The following DOCK10 variants were observed in gnomAD, a reference collection of about 807,000 sequenced individuals.
DOCK10 encodes the protein dedicator of cytokinesis protein 10.
In DOCK10, 145 loss-of-function variants were observed where a neutral mutation model predicts 280.1. The observed-to-expected ratio is 0.52, with a 90% CI of 0.45 to 0.59. DOCK10 has a LOEUF of 0.59. Ranked by LOEUF, DOCK10 falls within the 20% of genes least tolerant of loss-of-function variation. DOCK10 has a pLI of 0.00. For synonymous variants in DOCK10, 915 were observed against 942.2 expected (o/e 0.97, Z 0.53); for missense variants, 2,368 against 2,651.7 (o/e 0.89, Z 2.35).
chr2:224,897,528 C>G (rs1322720776), intron 3 of DOCK10, among the ~76,000 whole-genome samples: 2 of 151,968 alleles, frequency 1.3e-5, no homozygotes, highest in Admixed American at 6.6e-5. Context: ...TTTTTGGTAC[C>G]CATTAGCCAT....
intron 1 of DOCK10, among the ~76,000 whole-genome samples, chr2:224,977,845 C>T (rs1705527022): frequency 6.6e-6 from 1 of 152,196 alleles, no homozygotes; most frequent in Non-Finnish European, 1.5e-5. Context: ...AATCTTATCT[C>T]TGCACAAAGA....
intron 1 of DOCK10, among the ~76,000 whole-genome samples, chr2:224,960,730 C>CTTTTTTTTTTTTTTTT (rs71281764): frequency 2.8e-5 from 2 of 70,254 alleles, no homozygotes; most frequent in African/African-American, 1.1e-4. Flanking sequence ...TCACCAAATT[C>CTTTTTTTTTTTTTTTT]TTTTTTTTTT....
At chr2:224,881,781 AGGCTTAC>A (rs1374330238) in intron 7 of DOCK10, among the ~76,000 whole-genome samples, 1 of 152,168 alleles carries the variant, frequency 6.6e-6, no homozygotes, top group Non-Finnish European at 1.5e-5. Context: ...TGCTAATGCG[AGGCTTAC>A]GGGTCATATT....
At chr2:224,945,906 C>A (rs1453157378) in intron 1 of DOCK10, among the ~76,000 whole-genome samples, 1 of 152,092 alleles carries the variant, frequency 6.6e-6, no homozygotes, top group Non-Finnish European at 1.5e-5. Flanking sequence ...TGCTAACCAT[C>A]CTACACGGTA....
intron 14 of DOCK10, among the ~76,000 whole-genome samples, chr2:224,858,966 C>T (rs1186119148): frequency 6.6e-6 from 1 of 152,150 alleles, no homozygotes; most frequent in African/African-American, 2.4e-5. Context: ...ATGAAGCAGA[C>T]ATATTTTTTG....
In DOCK10 at chr2:224,805,065, T is replaced by C. The variant is rs564532531; in HGVS notation, c.4111A>G (p.Ile1371Val). 3.1e-6 allele frequency: 5 copies of C among 1,608,244 alleles called. No individual in the cohort carries two copies. The African/African-American group carries it at 4.0e-5, about 13-fold the overall frequency. ...PSPEVSDFFS[I>V]LDVCLQNFRY... ...ATCAACTCTAAAACTTACTCCAAGA[T>C]GCTGAAGAAGTCGGACACCTCTGGG... Residue 1371 changes from isoleucine (I) to valine (V), a missense_variant, in exon 37 of 56, where the codon ATC becomes GTC. Physicochemically the swap from Ile to Val is conservative, Grantham distance 29. Transcript: ENST00000258390. This position sits in a 1 kb window ranked among gnomAD's most constrained non-coding sequence, Gnocchi z 4.3.
At chr2:225,027,884 A>G (rs1427636096) in intron 1 of DOCK10, among the ~76,000 whole-genome samples, 1 of 152,234 alleles carries the variant, frequency 6.6e-6, no homozygotes, top group African/African-American at 2.4e-5. Flanking sequence ...GCTAAGGTCT[A>G]TTAACTTAAT....
chr2:224,868,214 T>C (rs933979530), intron 11 of DOCK10, among the ~76,000 whole-genome samples: 1 of 152,112 alleles, frequency 6.6e-6, no homozygotes, highest in Non-Finnish European at 1.5e-5. Flanking sequence ...ATTTTAAATG[T>C]TGCCAGAGTA....
rs1188189525 is a variant in DOCK10 at position 224,770,688 on chromosome 2, T to A, written c.6205-43A>T. 7.0e-7 allele frequency: 1 copy of A among 1,429,482 alleles called. No individual in the cohort carries two copies. 88.5% of individuals were successfully genotyped at this position (1,429,482 alleles called of 1,614,324 possible). A position where few individuals can be genotyped will look rare whatever the true frequency, so the allele number is the denominator to read the frequency against. The stretch of plus-strand genomic sequence containing the variant: ...GGTGAAGGATGATCTACCTTCTGCA[T>A]GGAGTCTTTTCCACCGCTGGAAGAG... On this transcript the variant is annotated intron_variant, in intron 53 of 55. Coordinates refer to ENST00000258390, the MANE Select transcript of DOCK10 (RefSeq NM_014689.3). This position sits in a 1 kb window ranked among gnomAD's most constrained non-coding sequence, Gnocchi z 4.5.
intron 1 of DOCK10, among the ~76,000 whole-genome samples, chr2:225,030,016 C>T (rs1575175092): frequency 6.6e-6 from 1 of 151,756 alleles, no homozygotes; most frequent in Admixed American, 6.6e-5. Context: ...TGTGGTGGCA[C>T]ACACCTGTAG....
At chr2:224,919,807 A>C (rs1250846942) in intron 2 of DOCK10, among the ~76,000 whole-genome samples, 1 of 152,064 alleles carries the variant, frequency 6.6e-6, no homozygotes, top group Non-Finnish European at 1.5e-5. Context: ...GAGGATGAAA[A>C]ATAATGAGAA....
At chr2:225,005,757 A>G (rs1180011908) in intron 1 of DOCK10, among the ~76,000 whole-genome samples, 1 of 152,228 alleles carries the variant, frequency 6.6e-6, no homozygotes, top group Admixed American at 6.5e-5. Flanking sequence ...ATATTAGGCA[A>G]GCGTTATGGA....
chr2:224,834,054 A>G (rs1233865988), intron 26 of DOCK10, 96 bp downstream of exon 26: 2 of 721,086 alleles, frequency 2.8e-6, no homozygotes, highest in Non-Finnish European at 2.4e-6. Context: ...TGCAAGAGAA[A>G]AAGTCTATGA....
chr2:225,002,651 T>C (rs1706469666), intron 1 of DOCK10, among the ~76,000 whole-genome samples: 1 of 152,190 alleles, frequency 6.6e-6, no homozygotes, highest in African/African-American at 2.4e-5. Flanking sequence ...GAGGAGCTAG[T>C]TGCATGGGCA....
intron 3 of DOCK10, among the ~76,000 whole-genome samples, chr2:224,900,704 C>T (rs1439135411): frequency 1.3e-5 from 2 of 152,178 alleles, no homozygotes; most frequent in Non-Finnish European, 2.9e-5. Context: ...CTAAGTAATA[C>T]CACCTTCGCT....
chr2:224,981,777 T>C (rs1705758478), intron 1 of DOCK10, among the ~76,000 whole-genome samples: 1 of 152,244 alleles, frequency 6.6e-6, no homozygotes, highest in African/African-American at 2.4e-5. Flanking sequence ...CCAAATATCC[T>C]GAAGTTAAAG....
chr2:224,880,525 T>TC (rs1698918402), intron 7 of DOCK10, among the ~76,000 whole-genome samples: 1 of 152,164 alleles, frequency 6.6e-6, no homozygotes, highest in African/African-American at 2.4e-5. Flanking sequence ...TTGTTTTTGC[T>TC]CCCCCAAATT....
chr2:224,807,769 T>C lies in DOCK10; in HGVS notation c.3601A>G (p.Ile1201Val). 14 of 1,569,908 alleles carry C rather than the reference T, an allele frequency of 8.9e-6. No individual in the cohort carries two copies. Among genetic ancestry groups the C allele is most frequent in the Non-Finnish European group, 1.2e-5 (14 of 1,156,390 alleles). Residue 1201 changes from isoleucine to valine, a missense_variant, in exon 33 of 56, where the codon ATA becomes GTA. Transcript: ENST00000258390. ...RYREPRKQAQ[I>V]ASLYMPLYGM... ...TACAGGGGCATGTATAAACTTGCTA[T>C]CTGGGCCTGCTTTCTCTAGGAGAAA...
At chr2:224,878,449 C>T (rs1323476953) in intron 7 of DOCK10, among the ~76,000 whole-genome samples, 2 of 152,144 alleles carry the variant, frequency 1.3e-5, no homozygotes, top group African/African-American at 2.4e-5. Flanking sequence ...TGCTCCTAAT[C>T]CCACCCACTG....
Sources: gnomAD v4.1 joint callset for allele counts (sites outside exome capture counted in the v4.1 genomes callset) on GRCh38, gnomAD v4.1.1 for gene constraint, Gnocchi (gnomAD v3.1) non-coding constraint, MANE v1.5 for transcripts, NCBI Gene and HGNC (gene_info 2026-07-23, HGNC 2026-07-21) for gene names.